The following CDH13 variants were observed in gnomAD, a reference collection of about 807,000 sequenced individuals.
The protein encoded by CDH13 is cadherin 13.
CDH13 carries 24 observed loss-of-function variants against 63.8 expected under a neutral mutation model. The observed-to-expected ratio is 0.38, with a 90% CI of 0.27 to 0.53. The LOEUF is 0.53. Ranked by LOEUF, CDH13 falls within the 20% of genes least tolerant of loss-of-function variation. The pLI is 0.85. For synonymous variants in CDH13, 503 were observed against 355.3 expected (o/e 1.42, Z -4.67); for missense variants, 1,049 against 903.1 (o/e 1.16, Z -2.07).
intron 1 of CDH13, among the ~76,000 whole-genome samples, chr16:82,817,838 T>C (rs2037798886): frequency 1.3e-5 from 2 of 152,170 alleles, no homozygotes; most frequent in African/African-American, 4.8e-5. Flanking sequence ...TATAGTTATA[T>C]ATAAAAGCAT....
chr16:83,519,247 C>T (rs1450835938), intron 7 of CDH13, among the ~76,000 whole-genome samples: 2 of 152,176 alleles, frequency 1.3e-5, no homozygotes, highest in Non-Finnish European at 2.9e-5. Flanking sequence ...AAGATGACTT[C>T]TGAGAATATG....
rs76902997 is a variant in CDH13, at chr16:83,051,222, C to T, written c.366+19004C>T. On this transcript the variant is annotated intron_variant, in intron 3 of 13. Transcript: ENST00000567109. ...TCCCAACCTGCTTTGTCACTTTCAGCCCTCACAATTCCCTGTCATTCATGT... is the reference window on the plus strand; with the variant it reads ...TCCCAACCTGCTTTGTCACTTTCAGTCCTCACAATTCCCTGTCATTCATGT... 4.6e-4 allele frequency among the ~76,000 whole-genome samples: 70 copies of T among 152,274 alleles called. 1 individual carries two copies. The East Asian group carries it at 0.011, about 24-fold the overall frequency.
intron 2 of CDH13, among the ~76,000 whole-genome samples, chr16:82,865,378 G>A (rs527641806): frequency 1.3e-5 from 2 of 152,224 alleles, no homozygotes; most frequent in African/African-American, 2.4e-5. Context: ...AAACTTTTGC[G>A]TGGACATCCA....
At chr16:83,650,127 A>G (rs11149589) in intron 8 of CDH13, among the ~76,000 whole-genome samples, 151,965 of 152,308 alleles carry the variant, frequency 1, 75,811 homozygotes, top group Middle Eastern at 1. Flanking sequence ...CCTGGCTGTA[A>G]GACCAGAATC....
intron 5 of CDH13, among the ~76,000 whole-genome samples, chr16:83,298,779 A>C (rs567492329): frequency 1.3e-5 from 2 of 152,226 alleles, no homozygotes; most frequent in East Asian, 1.9e-4. Flanking sequence ...TGAGCATTAC[A>C]TGAGACTGTT....
chr16:83,029,562 C>T (rs539009582), intron 2 of CDH13, among the ~76,000 whole-genome samples: 1 of 152,178 alleles, frequency 6.6e-6, no homozygotes, highest in East Asian at 1.9e-4. Flanking sequence ...TACCACAACT[C>T]ACAGCCACAT....
At chr16:83,269,250 A>T (rs2151843749) in intron 5 of CDH13, among the ~76,000 whole-genome samples, 1 of 152,300 alleles carries the variant, frequency 6.6e-6, no homozygotes, top group South Asian at 2.1e-4. Flanking sequence ...GTTGTATCTT[A>T]TGAGGCCCCT....
chr16:82,681,369 C>G (rs1914526131), intron 1 of CDH13, among the ~76,000 whole-genome samples: 1 of 152,140 alleles, frequency 6.6e-6, no homozygotes, highest in African/African-American at 2.4e-5. Flanking sequence ...GAAGTGGCTG[C>G]TACTGGGTAC....
chr16:82,686,451 T>C (rs1040101100), intron 1 of CDH13, among the ~76,000 whole-genome samples: 1 of 152,032 alleles, frequency 6.6e-6, no homozygotes, highest in African/African-American at 2.4e-5. Context: ...TCAACGGAGA[T>C]TGTATGGGAG....
At chr16:83,527,390 A>C (rs2074988703) in intron 7 of CDH13, among the ~76,000 whole-genome samples, 1 of 152,072 alleles carries the variant, frequency 6.6e-6, no homozygotes, top group African/African-American at 2.4e-5. Flanking sequence ...CAGAGCTTGC[A>C]GTGAGCCGAG....
intron 3 of CDH13, among the ~76,000 whole-genome samples, chr16:83,039,485 CT>C (rs1449046377): frequency 6.6e-6 from 1 of 152,210 alleles, no homozygotes; most frequent in Middle Eastern, 3.2e-3. Context: ...GGCATCAGTG[CT>C]TTTCCTTCCT....
At chr16:83,025,615 G>A (rs1915728929) in intron 2 of CDH13, among the ~76,000 whole-genome samples, 2 of 152,172 alleles carry the variant, frequency 1.3e-5, no homozygotes, top group Admixed American at 1.3e-4. Flanking sequence ...TGAGATTTTG[G>A]TGGGGACACA....
intron 1 of CDH13, among the ~76,000 whole-genome samples, chr16:82,663,092 C>A (rs940440114): frequency 1.3e-5 from 2 of 152,242 alleles, no homozygotes; most frequent in Non-Finnish European, 2.9e-5. Flanking sequence ...AAGAAAATAG[C>A]CCTTATCGCC....
chr16:82,871,323 G>A (rs1025972764), intron 2 of CDH13, among the ~76,000 whole-genome samples: 3 of 152,140 alleles, frequency 2.0e-5, no homozygotes, highest in Non-Finnish European at 4.4e-5. Flanking sequence ...AGGATGAGTG[G>A]GCATGGCTCA....
At chr16:83,011,695 G>A (rs182513426) in intron 2 of CDH13, among the ~76,000 whole-genome samples, 20 of 152,202 alleles carry the variant, frequency 1.3e-4, no homozygotes, top group Non-Finnish European at 2.5e-4. Flanking sequence ...CCACCTTTCC[G>A]GCCCTTTCCT....
intron 4 of CDH13, among the ~76,000 whole-genome samples, chr16:83,177,729 C>T (rs1198323874): frequency 6.6e-6 from 1 of 152,154 alleles, no homozygotes; most frequent in South Asian, 2.1e-4. Context: ...TATTTAAATA[C>T]GTGGTCAAGT....
intron 1 of CDH13, among the ~76,000 whole-genome samples, chr16:82,821,994 G>C (rs1275850513): frequency 1.3e-5 from 2 of 152,136 alleles, no homozygotes; most frequent in African/African-American, 4.8e-5. Context: ...AGAACCAAAA[G>C]GGTCTTCCTT....
At chr16:82,931,370 C>T (rs565719125) in intron 2 of CDH13, among the ~76,000 whole-genome samples, 1 of 152,302 alleles carries the variant, frequency 6.6e-6, no homozygotes, top group South Asian at 2.1e-4. Context: ...GCTAAAAATG[C>T]ACATCTGTTC....
At position 83,035,083 on chromosome 16, in the gene CDH13, C is replaced by A. The variant is rs529427473; in HGVS notation, c.366+2865C>A. On this transcript the variant is annotated intron_variant, in intron 3 of 13. Coordinates refer to ENST00000567109, the MANE Select transcript of CDH13 (RefSeq NM_001257.5). ...GTAGCTGTGTCCTTCATAAAAACGC[C>A]TCAAAAAAGGAAAAAAAAATAAAAA... is the stretch of plus-strand genomic sequence containing the variant. Among the ~76,000 whole-genome samples the A allele has an allele frequency of 2.1e-5, 3 of 143,610 alleles. No homozygotes were observed. The South Asian group carries it at 6.8e-4, about 33-fold the overall frequency. The allele number at this position is 143,610 out of a possible 152,430, so 94.2% of individuals were successfully genotyped here.
Sources: allele counts gnomAD v4.1 joint callset (sites outside exome capture counted in the v4.1 genomes callset), GRCh38; gene constraint gnomAD v4.1.1; transcripts MANE v1.5; gene names NCBI Gene and HGNC (gene_info 2026-07-23, HGNC 2026-07-21).